Variants in HORMAD2 observed in about 807,000 individuals in gnomAD.
HORMAD2 encodes HORMA domain-containing protein 2.
Under a neutral mutation model 38.8 loss-of-function variants are expected in HORMAD2, and 45 were observed. The ratio of observed to expected loss-of-function variants is 1.16; its 90% CI spans 0.91 to 1.49. The LOEUF is 1.49. Ranked by LOEUF, HORMAD2 falls within the 40% of genes most tolerant of loss-of-function variation. The probability of loss-of-function intolerance (pLI) is 0.00; values close to 1 mark genes in which losing one functional copy is unlikely to be tolerated. For missense variants in HORMAD2, 338 were observed against 367.0 expected (o/e 0.92, Z 0.65); for synonymous variants, 126 against 122.8 (o/e 1.03, Z -0.17).
the HORMAD2 span, among the ~76,000 whole-genome samples, chr22:30,203,536 C>T: frequency 6.6e-6 from 1 of 152,178 alleles, no homozygotes; most frequent in Non-Finnish European, 1.5e-5. Context: ...TGCACAAGTG[C>T]ACATAGCCTC....
intron 10 of HORMAD2, among the ~76,000 whole-genome samples, chr22:30,133,345 T>C (rs746046758): frequency 4.0e-5 from 6 of 151,856 alleles, no homozygotes; most frequent in Non-Finnish European, 8.8e-5. Context: ...GATCTCAAAA[T>C]TGAGAACTAA....
the HORMAD2 span, among the ~76,000 whole-genome samples, chr22:30,186,809 G>A: frequency 6.6e-6 from 1 of 151,416 alleles, no homozygotes; most frequent in Non-Finnish European, 1.5e-5. Flanking sequence ...GATCCTTTCA[G>A]TTCTGTGAAC....
intron 5 of HORMAD2, among the ~76,000 whole-genome samples, chr22:30,107,662 A>G (rs1921300983): frequency 1.3e-5 from 2 of 151,908 alleles, no homozygotes; most frequent in Admixed American, 1.3e-4. Context: ...AGGCAGGAGA[A>G]TTGCTTGAGC....
At chr22:30,102,210 G>A (rs781470416) in intron 3 of HORMAD2, among the ~76,000 whole-genome samples, 4 of 152,186 alleles carry the variant, frequency 2.6e-5, no homozygotes, top group Non-Finnish European at 4.4e-5. Flanking sequence ...ACTTGTAATA[G>A]TGAATGTGTT....
At chr22:30,205,393 G>A in the HORMAD2 span, among the ~76,000 whole-genome samples, 2 of 152,136 alleles carry the variant, frequency 1.3e-5, no homozygotes, top group African/African-American at 2.4e-5. Context: ...CCCTGGGACC[G>A]GAAACTGCTG....
chr22:30,179,806 C>G (rs1028492502), downstream of HORMAD2, among the ~76,000 whole-genome samples: 2 of 152,180 alleles, frequency 1.3e-5, no homozygotes, highest in Non-Finnish European at 2.9e-5. Context: ...CTGATTTACT[C>G]AGCTTCAGGG....
the HORMAD2 span, among the ~76,000 whole-genome samples, chr22:30,188,464 G>A: frequency 6.6e-6 from 1 of 152,176 alleles, no homozygotes; most frequent in Non-Finnish European, 1.5e-5. Flanking sequence ...TCCCTGAGCT[G>A]TTTACCCATT....
At chr22:30,118,259 CA>C (rs1410218020) in intron 7 of HORMAD2, among the ~76,000 whole-genome samples, 5 of 152,138 alleles carry the variant, frequency 3.3e-5, no homozygotes, top group African/African-American at 1.2e-4. Flanking sequence ...GGTTTCCAGC[CA>C]CTGGGCCTCC....
chr22:30,081,227 T>G (rs550650823), intron 1 of HORMAD2: 2 of 152,318 alleles, frequency 1.3e-5, no homozygotes, highest in African/African-American at 4.8e-5. Context: ...CATAATCTAA[T>G]TTCTCCTCCA....
At chr22:30,156,503 G>A (rs1448818607) in intron 10 of HORMAD2, among the ~76,000 whole-genome samples, 1 of 152,160 alleles carries the variant, frequency 6.6e-6, no homozygotes, top group African/African-American at 2.4e-5. Flanking sequence ...AAATGCTTTG[G>A]TATTATGGAC....
intron 10 of HORMAD2, chr22:30,137,147 G>C: frequency 2.1e-6 from 1 of 482,824 alleles, no homozygotes; most frequent in East Asian, 4.1e-5. Flanking sequence ...TTTTGTCACA[G>C]ATAAGATCCA....
chr22:30,129,905 C>G (rs758860678), intron 10 of HORMAD2, among the ~76,000 whole-genome samples: 1 of 152,110 alleles, frequency 6.6e-6, no homozygotes, highest in Non-Finnish European at 1.5e-5. Flanking sequence ...ATGGTAGCAT[C>G]AGAAATTCTG....
At chr22:30,206,118 C>T in the HORMAD2 span, among the ~76,000 whole-genome samples, 3 of 152,076 alleles carry the variant, frequency 2.0e-5, no homozygotes, top group Admixed American at 6.5e-5. Context: ...ATTATTCTCA[C>T]CCCCCGCCTC....
chr22:30,173,055 C>A (rs540071452), intron 10 of HORMAD2, among the ~76,000 whole-genome samples: 17 of 152,192 alleles, frequency 1.1e-4, no homozygotes, highest in Admixed American at 3.9e-4. Context: ...TATGGAACTG[C>A]CCCTGAACCA....
chr22:30,153,395 C>T (rs1303983874), intron 10 of HORMAD2, among the ~76,000 whole-genome samples: 1 of 152,106 alleles, frequency 6.6e-6, no homozygotes, highest in Non-Finnish European at 1.5e-5. Context: ...GTCTAAACAC[C>T]TTTTCTTGGC....
At chr22:30,139,366 A>G (rs970672461) in intron 10 of HORMAD2, among the ~76,000 whole-genome samples, 3 of 147,984 alleles carry the variant, frequency 2.0e-5, no homozygotes, top group African/African-American at 7.4e-5. Context: ...ATACTTATAT[A>G]TATATTTTTT....
intron 5 of HORMAD2, among the ~76,000 whole-genome samples, chr22:30,108,880 T>C (rs1223685014): frequency 6.6e-6 from 1 of 152,178 alleles, no homozygotes; most frequent in Non-Finnish European, 1.5e-5. Context: ...ATTATGGTTC[T>C]GAAATTTTTT....
chr22:30,137,141 G>A, intron 10 of HORMAD2: 1 of 447,364 alleles, frequency 2.2e-6, no homozygotes, highest in Non-Finnish European at 4.2e-6. Context: ...AACACATTTT[G>A]TCACAGATAA....
At chr22:30,095,298 C>T (rs1465667605) in intron 2 of HORMAD2, among the ~76,000 whole-genome samples, 1 of 152,094 alleles carries the variant, frequency 6.6e-6, no homozygotes, top group Non-Finnish European at 1.5e-5. Context: ...TTGGAAAATA[C>T]AGATTATTGG....
Sources: gnomAD v4.1 joint callset for allele counts (sites outside exome capture counted in the v4.1 genomes callset) on GRCh38, gnomAD v4.1.1 for gene constraint, MANE v1.5 for transcripts, NCBI Gene and HGNC (gene_info 2026-07-23, HGNC 2026-07-21) for gene names.